The following KIF16B variants were observed in gnomAD, a reference collection of about 807,000 sequenced individuals.
KIF16B encodes the protein kinesin family member 16B.
A neutral mutation model predicts 156.3 loss-of-function variants in KIF16B; 98 were observed. The ratio of observed to expected loss-of-function variants is 0.63; its 90% CI spans 0.53 to 0.74. KIF16B has a LOEUF of 0.74. KIF16B is among the 30% of genes least tolerant of loss of function. The pLI, the probability that KIF16B is intolerant of heterozygous loss-of-function variation, is 0.00. For missense variants in KIF16B, 1,421 were observed against 1,606.5 expected, an observed-to-expected ratio of 0.88 and a Z score of 1.97; for synonymous variants, 564 against 583.7, an observed-to-expected ratio of 0.97 and a Z score of 0.49.
At chr20:16,401,128 T>C (rs1412418188) in intron 17 of KIF16B, among the ~76,000 whole-genome samples, 1 of 152,194 alleles carries the variant, frequency 6.6e-6, no homozygotes, top group East Asian at 1.9e-4. Context: ...TTTGAATTTG[T>C]GTCAATGAAT....
intron 3 of KIF16B, among the ~76,000 whole-genome samples, chr20:16,520,799 G>A (rs7270253): frequency 1.7e-3 from 262 of 152,246 alleles, no homozygotes; most frequent in African/African-American, 5.9e-3. Flanking sequence ...GCATCTGGTG[G>A]GTGCCCCTCT....
intron 22 of KIF16B, among the ~76,000 whole-genome samples, chr20:16,362,303 C>T (rs1336928907): frequency 1.3e-5 from 2 of 151,510 alleles, no homozygotes; most frequent in Middle Eastern, 3.2e-3. Context: ...AACATACAAA[C>T]TTATGTGCAT....
intron 1 of KIF16B, among the ~76,000 whole-genome samples, chr20:16,541,778 C>G (rs1043860427): frequency 5.3e-5 from 8 of 152,228 alleles, no homozygotes; most frequent in Admixed American, 5.2e-4. Flanking sequence ...AGTGGAGCTG[C>G]AGCACCGACC....
chr20:16,516,785 T>C (rs1478567614), intron 3 of KIF16B, among the ~76,000 whole-genome samples: 4 of 152,174 alleles, frequency 2.6e-5, no homozygotes, highest in Non-Finnish European at 4.4e-5. Context: ...TTGGGAGGCT[T>C]TGAAAAGTCC....
At chr20:16,275,180 A>C (rs1355939951) in intron 25 of KIF16B, among the ~76,000 whole-genome samples, 1 of 151,590 alleles carries the variant, frequency 6.6e-6, no homozygotes. Flanking sequence ...CAGCCTCCTG[A>C]GTAGCTGGGA....
intron 1 of KIF16B, among the ~76,000 whole-genome samples, chr20:16,547,413 C>A (rs573399575): frequency 6.6e-6 from 1 of 152,328 alleles, no homozygotes; most frequent in South Asian, 2.1e-4. Flanking sequence ...GTGCCCACAC[C>A]AAGGAGAGAC....
chr20:16,380,082 C>A lies in KIF16B; in HGVS notation c.1920G>T (p.Gln640His). ...LERMQQEVET[Q>H]RKETEIVQLQ... ...GCTGCACGATTTCTGTCTCCTTGCG[C>A]TGGGTCTCCACCTCCTGCTGCATCC... The change falls in exon 19 of 26, where the codon CAG becomes CAT. Residue 640 changes from glutamine to histidine, a missense_variant. Transcript: ENST00000354981. 1 of 1,541,634 alleles carries A rather than the reference C, an allele frequency of 6.5e-7. No individual in the cohort carries two copies. The highest frequency in any genetic ancestry group is 1.3e-5 in the South Asian group (1 of 76,066).
At chr20:16,446,791 A>G (rs1028293920) in intron 12 of KIF16B, among the ~76,000 whole-genome samples, 18 of 152,224 alleles carry the variant, frequency 1.2e-4, no homozygotes, top group Non-Finnish European at 2.4e-4. Flanking sequence ...AGGCTTAAAC[A>G]TCAGTAGGCA....
chr20:16,468,909 T>C (rs1311550010), intron 12 of KIF16B, among the ~76,000 whole-genome samples: 1 of 152,156 alleles, frequency 6.6e-6, no homozygotes, highest in Non-Finnish European at 1.5e-5. Flanking sequence ...CACTGTCACA[T>C]GGAACATTCA....
At chr20:16,437,612 T>C (rs1356092061) in intron 12 of KIF16B, among the ~76,000 whole-genome samples, 1 of 152,176 alleles carries the variant, frequency 6.6e-6, no homozygotes, top group Non-Finnish European at 1.5e-5. Context: ...TCTCCTCAAG[T>C]GTTTTACTCC....
intron 12 of KIF16B, among the ~76,000 whole-genome samples, chr20:16,442,334 A>ATGTATGTG (rs1555773706): frequency 1.2e-3 from 170 of 145,220 alleles, no homozygotes; most frequent in African/African-American, 4.2e-3. Context: ...CCATTTCACA[A>ATGTATGTG]TGTGTGTGTG....
chr20:16,285,012 A>G (rs1324144687), intron 25 of KIF16B, among the ~76,000 whole-genome samples: 5 of 152,216 alleles, frequency 3.3e-5, no homozygotes, highest in African/African-American at 1.2e-4. Context: ...AGAGGACGGA[A>G]GTGTCTGTTA....
chr20:16,381,788 C>G (rs377633025), intron 17 of KIF16B, 41 bp from the exon 18 acceptor site: 23 of 1,494,934 alleles, frequency 1.5e-5, no homozygotes, highest in African/African-American at 6.9e-5. Context: ...TTCTAAAGAG[C>G]TTTTCTATCT....
chr20:16,285,519 A>T (rs2063210403), intron 25 of KIF16B, among the ~76,000 whole-genome samples: 2 of 152,202 alleles, frequency 1.3e-5, no homozygotes, highest in South Asian at 4.1e-4. Flanking sequence ...ATAAACAAGT[A>T]CAAATATAGA....
chr20:16,528,014 A>G (rs1189150394), intron 2 of KIF16B, among the ~76,000 whole-genome samples: 1 of 152,064 alleles, frequency 6.6e-6, no homozygotes, highest in Non-Finnish European at 1.5e-5. Context: ...ATGGAAAAAA[A>G]TATAGGGGCA....
chr20:16,417,711 T>A (rs1206213146), intron 15 of KIF16B, among the ~76,000 whole-genome samples: 1 of 151,674 alleles, frequency 6.6e-6, no homozygotes, highest in Non-Finnish European at 1.5e-5. Flanking sequence ...ATATTACAAG[T>A]GAAAAACAAA....
At chr20:16,488,931 A>G (rs961771702) in intron 12 of KIF16B, among the ~76,000 whole-genome samples, 1 of 152,228 alleles carries the variant, frequency 6.6e-6, no homozygotes, top group East Asian at 1.9e-4. Context: ...CATGTGGAAC[A>G]CACTTGGGTA....
intron 12 of KIF16B, among the ~76,000 whole-genome samples, chr20:16,453,962 GTGCACACACACA>G (rs1354097192): frequency 6.6e-6 from 1 of 152,110 alleles, no homozygotes; most frequent in Non-Finnish European, 1.5e-5. Flanking sequence ...TACAGATGAC[GTGCACACACACA>G]TGCACACACG....
At position 16,528,466 on chromosome 20, in the gene KIF16B, G is replaced by A. The variant is rs750262580; in HGVS notation, c.48-26C>T. The A allele has an allele frequency of 8.9e-6, 13 of 1,462,924 alleles. No individual in the cohort carries two copies. In the Admixed American group the frequency reaches 2.2e-4, roughly 25 times the overall value. 90.6% of individuals were successfully genotyped at this position (1,462,924 alleles called of 1,614,324 possible). The stretch of plus-strand genomic sequence containing the variant: ...CTGCAATACAAATAATTCAGTAGTG[G>A]TTAGAAGAGAAAAGATTATTAAAAA... On this transcript the variant is annotated intron_variant, in intron 1 of 25. Coordinates refer to ENST00000354981, the MANE Select transcript of KIF16B (RefSeq NM_024704.5).
Sources: allele counts gnomAD v4.1 joint callset (sites outside exome capture counted in the v4.1 genomes callset), GRCh38; gene constraint gnomAD v4.1.1; transcripts MANE v1.5; gene names NCBI Gene and HGNC (gene_info 2026-07-23, HGNC 2026-07-21).